Variants in CDKL4 observed in about 807,000 individuals in gnomAD.
CDKL4 encodes the protein cyclin-dependent kinase-like 4.
CDKL4 carries 44 observed loss-of-function variants against 42.0 expected under a neutral mutation model. That is an observed-to-expected ratio of 1.05 (90% CI 0.82 to 1.35). The LOEUF (loss-of-function observed/expected upper bound fraction) is 1.35. Among genes scored for constraint, CDKL4 ranks in the 40% most tolerant of loss-of-function variants. The probability of loss-of-function intolerance (pLI) is 0.00; values close to 1 mark genes in which losing one functional copy is unlikely to be tolerated. For missense variants in CDKL4, 393 were observed against 369.9 expected, an observed-to-expected ratio of 1.06 and a Z score of -0.51; for synonymous variants, 120 against 121.6, an observed-to-expected ratio of 0.99 and a Z score of 0.09.
At chr2:39,192,552 T>TA (rs35493708) in intron 5 of CDKL4, among the ~76,000 whole-genome samples, 1 of 151,516 alleles carries the variant, frequency 6.6e-6, no homozygotes, top group Non-Finnish European at 1.5e-5. Context: ...TTTTTTTTTT[T>TA]GTATAGATAG....
intron 1 of CDKL4, among the ~76,000 whole-genome samples, chr2:39,230,833 C>A (rs1363790008): frequency 1.3e-5 from 2 of 152,088 alleles, no homozygotes; most frequent in African/African-American, 4.8e-5. Flanking sequence ...GAAGGTAATA[C>A]AGAATTAGAA....
intron 5 of CDKL4, among the ~76,000 whole-genome samples, chr2:39,201,166 A>G (rs2136639): frequency 0.88 from 134,288 of 152,048 alleles, 59,645 homozygotes; most frequent in Non-Finnish European, 0.94. Context: ...ATGAATAGAC[A>G]TTCTCAAAAG....
chr2:39,229,333 T>A (rs1431532142), intron 2 of CDKL4, 32 bp downstream of exon 2: 2 of 1,423,102 alleles, frequency 1.4e-6, no homozygotes, highest in Non-Finnish European at 1.9e-6. Context: ...CTCAATTCCA[T>A]GATATTTTAC....
chr2:39,229,840 G>A (rs1678987477), intron 1 of CDKL4, among the ~76,000 whole-genome samples: 1 of 152,180 alleles, frequency 6.6e-6, no homozygotes, highest in African/African-American at 2.4e-5. Flanking sequence ...AGAATTTGTG[G>A]AAAGGAAACT....
intron 8 of CDKL4, among the ~76,000 whole-genome samples, chr2:39,180,651 C>G (rs992727705): frequency 1.5e-4 from 23 of 151,662 alleles, no homozygotes; most frequent in Non-Finnish European, 2.5e-4. Flanking sequence ...TCCTCAAATC[C>G]TAGTACTGTT....
upstream of CDKL4, among the ~76,000 whole-genome samples, chr2:39,245,701 T>C (rs1573046368): frequency 6.6e-6 from 1 of 152,238 alleles, no homozygotes; most frequent in African/African-American, 2.4e-5. Flanking sequence ...ACGTAACTGT[T>C]GAATATTGAT....
At chr2:39,217,063 A>G (rs1677968794) in intron 3 of CDKL4, among the ~76,000 whole-genome samples, 1 of 152,196 alleles carries the variant, frequency 6.6e-6, no homozygotes, top group Admixed American at 6.5e-5. Context: ...GATAACCATC[A>G]AAGAGAGTAC....
rs1483176845 is a variant in CDKL4 at position 39,197,871 on chromosome 2, C to CAAATATATT, written c.454+6655_454+6656insAATATATTT. 7.2e-3 allele frequency among the ~76,000 whole-genome samples: 1,095 copies of CAAATATATT among 152,064 alleles called. 10 individuals carry two copies. Among genetic ancestry groups the CAAATATATT allele is most frequent in the African/African-American group, 0.025 (1,045 of 41,448 alleles). On this transcript the variant is annotated intron_variant, in intron 5 of 9. Transcript: ENST00000451199. ...TCTTGAAACAAATATTTGAAATACA[C>CAAATATATT]CAAAATAGAATCTCCTTAAAGCATA...
chr2:39,206,074 G>C (rs1317272108), intron 4 of CDKL4, among the ~76,000 whole-genome samples: 1 of 149,964 alleles, frequency 6.7e-6, no homozygotes, highest in Non-Finnish European at 1.5e-5. Context: ...TTTTTTTTGA[G>C]ACAGAGTCTC....
exon 5 of CDKL4, chr2:39,204,554 A>G: frequency 6.2e-7 from 1 of 1,610,006 alleles, no homozygotes. Context: ...CCGAAGTCAC[A>G]AATCTTGATT....
intron 8 of CDKL4, 127 bp downstream of exon 8, chr2:39,184,464 C>A: frequency 1.6e-6 from 1 of 616,562 alleles, no homozygotes; most frequent in Non-Finnish European, 2.9e-6. Context: ...TTTTACAGTT[C>A]TTTATCATTT....
chr2:39,203,565 AT>A (rs1676983634), intron 5 of CDKL4, among the ~76,000 whole-genome samples: 1 of 152,078 alleles, frequency 6.6e-6, no homozygotes, highest in South Asian at 2.1e-4. Context: ...TTTTCTATGT[AT>A]TTCCTGTATA....
intron 3 of CDKL4, among the ~76,000 whole-genome samples, chr2:39,224,921 A>C (rs1678604598): frequency 6.6e-6 from 1 of 152,178 alleles, no homozygotes; most frequent in Non-Finnish European, 1.5e-5. Context: ...TGGTTCTCTT[A>C]GATTTTGTAG....
intron 3 of CDKL4, among the ~76,000 whole-genome samples, chr2:39,214,723 G>A (rs1333639143): frequency 6.6e-6 from 1 of 152,124 alleles, no homozygotes; most frequent in Non-Finnish European, 1.5e-5. Flanking sequence ...AATTCATGGT[G>A]GTAGACACTC....
intron 5 of CDKL4, among the ~76,000 whole-genome samples, chr2:39,196,111 T>G (rs929655470): frequency 1.3e-5 from 2 of 152,204 alleles, no homozygotes; most frequent in African/African-American, 4.8e-5. Context: ...ATCCACCCTA[T>G]GCTACCGCAG....
the CDKL4 span, among the ~76,000 whole-genome samples, chr2:39,168,838 C>G: frequency 6.6e-6 from 1 of 150,960 alleles, no homozygotes; most frequent in Non-Finnish European, 1.5e-5. Flanking sequence ...CTCACTGCAA[C>G]CTCTGTCTCC....
chr2:39,184,578 G>T lies in CDKL4; in HGVS notation c.792+13C>A. 2 of 1,594,284 alleles carry T rather than the reference G, an allele frequency of 1.3e-6. No homozygotes were observed. The highest frequency in any genetic ancestry group is 1.1e-5 in the South Asian group (1 of 90,216). On this transcript the variant is annotated intron_variant, in intron 8 of 9. Coordinates refer to ENST00000451199, the Ensembl canonical transcript of CDKL4. ...TTTATAGCTAATAAGAGTTATAATT[G>T]ATTCTTAAGTACCTTCATGAAGTTC...
At chr2:39,184,535 C>T (rs888906365) in intron 8 of CDKL4, 56 bp downstream of exon 8, 3 of 1,273,026 alleles carry the variant, frequency 2.4e-6, no homozygotes, top group Non-Finnish European at 2.3e-6. Flanking sequence ...CTCAAATTAC[C>T]AGCTTCAGTC....
chr2:39,222,800 T>A (rs536947974), intron 3 of CDKL4, among the ~76,000 whole-genome samples: 14 of 152,242 alleles, frequency 9.2e-5, no homozygotes, highest in Non-Finnish European at 1.9e-4. Flanking sequence ...GAACAATACA[T>A]GAAGTAAGCA....
Sources: allele counts gnomAD v4.1 joint callset (sites outside exome capture counted in the v4.1 genomes callset), GRCh38; gene constraint gnomAD v4.1.1; transcripts MANE v1.5; gene names NCBI Gene and HGNC (gene_info 2026-07-23, HGNC 2026-07-21).